Variants in TBCK observed in about 807,000 individuals in gnomAD.
The protein encoded by TBCK is TBC1 domain containing kinase, also known as TBC domain-containing protein kinase-like protein.
A neutral mutation model predicts 113.4 loss-of-function variants in TBCK; 99 were observed. The observed-to-expected ratio is 0.87, with a 90% CI of 0.74 to 1.03. TBCK has a LOEUF of 1.03. Ranked by LOEUF, TBCK falls within the 50% of genes least tolerant of loss-of-function variation. The pLI is 0.00. For missense variants in TBCK, 1,045 were observed against 1,061.3 expected (o/e 0.98, Z 0.21); for synonymous variants, 369 against 370.8 (o/e 1.00, Z 0.05).
At chr4:106,103,001 C>T (rs1741722857) in intron 24 of TBCK, among the ~76,000 whole-genome samples, 1 of 152,020 alleles carries the variant, frequency 6.6e-6, no homozygotes, top group South Asian at 2.1e-4. Flanking sequence ...TTAAGAGTTA[C>T]TGTACAAAGA....
At chr4:106,147,677 G>A (rs936516811) in intron 23 of TBCK, among the ~76,000 whole-genome samples, 13 of 152,002 alleles carry the variant, frequency 8.6e-5, no homozygotes, top group Admixed American at 4.6e-4. Flanking sequence ...CTCATAAGCC[G>A]AGGAGGATGT....
Position 106,117,865 on chromosome 4 carries a change from C to T in TBCK, c.2236-1487G>A, listed in dbSNP as rs187084148. ...TCTACTAAAAATACAAAAAATTAGC[C>T]GGGCGTGGCAGTGGGCGCCTGTAGT... On this transcript the variant is annotated intron_variant, in intron 23 of 25. Coordinates refer to ENST00000394708, the MANE Select transcript of TBCK (RefSeq NM_001163435.3). Among the ~76,000 whole-genome samples, 58 of 151,956 alleles carry T rather than the reference C, an allele frequency of 3.8e-4. No homozygotes were observed. The East Asian group carries it at 8.1e-3, about 21-fold the overall frequency.
chr4:106,244,161 G>C (rs1304311725), intron 11 of TBCK, among the ~76,000 whole-genome samples: 1 of 151,832 alleles, frequency 6.6e-6, no homozygotes, highest in Non-Finnish European at 1.5e-5. Context: ...AGATTTTTTT[G>C]CAACACACTA....
At chr4:106,225,359 C>T (rs1758121240) in intron 19 of TBCK, among the ~76,000 whole-genome samples, 3 of 152,084 alleles carry the variant, frequency 2.0e-5, no homozygotes, top group Admixed American at 1.3e-4. Context: ...CTTAGAGAAA[C>T]AAGCAATCAA....
chr4:106,154,087 T>C (rs1193731145), intron 23 of TBCK, among the ~76,000 whole-genome samples: 1 of 152,114 alleles, frequency 6.6e-6, no homozygotes, highest in Non-Finnish European at 1.5e-5. Context: ...AACTTACCCC[T>C]GCCATTTTGT....
In TBCK at chr4:106,046,519, G is replaced by A. The variant is rs1352253955; in HGVS notation, c.*51C>T. The A allele has an allele frequency of 1.0e-6, 1 of 960,792 alleles. No homozygotes were observed. Among genetic ancestry groups the A allele is most frequent in the Admixed American group, 1.8e-5 (1 of 56,660 alleles). The allele number at this position is 960,792 out of a possible 1,614,324, so 59.5% of individuals were successfully genotyped here. A position where few individuals can be genotyped will look rare whatever the true frequency, so the allele number is the denominator to read the frequency against. ...GAGTGGCGTGGATATGAAGAACTGT[G>A]CTGTTGGTGCTGATGCCACACTAAG... On this transcript the variant is annotated 3_prime_UTR_variant, in exon 26 of 26. Transcript: ENST00000394708.
chr4:106,219,032 A>G (rs1470178165), intron 19 of TBCK, among the ~76,000 whole-genome samples: 1 of 151,768 alleles, frequency 6.6e-6, no homozygotes, highest in African/African-American at 2.4e-5. Context: ...ATGGAATACT[A>G]TGCAGCCATA....
Position 106,244,636 on chromosome 4 carries a change from T to C in TBCK, c.1060A>G (p.Thr354Ala). 6 of 1,603,800 alleles carry C rather than the reference T, an allele frequency of 3.7e-6. No individual in the cohort carries two copies. The highest frequency in any genetic ancestry group is 5.1e-6 in the Non-Finnish European group (6 of 1,176,804). The change falls in exon 11 of 26, where the codon ACA becomes GCA. Residue 354 changes from threonine (T) to alanine (A), a missense_variant. Physicochemically the swap from Thr to Ala is moderately conservative, Grantham distance 58. Coordinates refer to ENST00000394708, the MANE Select transcript of TBCK (RefSeq NM_001163435.3). ...AGTTTCTTTCCTTACTTGGGGAGTG[T>C]GCAGATAGGTGGTTTGGATCGAATG... is the stretch of plus-strand genomic sequence containing the variant. ...EIIRSKPPIC[T>A]LPNFLFEDGE...
At chr4:106,154,234 G>C (rs770802492) in intron 23 of TBCK, among the ~76,000 whole-genome samples, 2 of 151,496 alleles carry the variant, frequency 1.3e-5, no homozygotes, top group Non-Finnish European at 2.9e-5. Flanking sequence ...TGTGTTTTTT[G>C]ATTTGACGTT....
chr4:106,301,664 A>G (rs1369588304), intron 2 of TBCK, among the ~76,000 whole-genome samples: 1 of 152,184 alleles, frequency 6.6e-6, no homozygotes, highest in Non-Finnish European at 1.5e-5. Context: ...GAGCTAACAT[A>G]ACATGTGAAA....
chr4:106,308,833 T>C lies in TBCK; in HGVS notation c.128A>G (p.Gln43Arg), dbSNP rs781374842. The change falls in exon 2 of 26, where the codon CAA (glutamine) becomes CGA (arginine). Residue 43 changes from glutamine to arginine, a missense_variant. Transcript: ENST00000394708. Reference protein sequence around the residue: ...PNSIKILGRFQILKTITHPRL... With the variant: ...PNSIKILGRFRILKTITHPRL... ...GGGATGGGTGATGGTTTTAAGGATT[T>C]GAAAGCGCCCTAAAATTTTGATGGA... The C allele has an allele frequency of 5.1e-5, 82 of 1,614,056 alleles. No homozygotes were observed. The highest frequency in any genetic ancestry group is 5.2e-5 in the Non-Finnish European group (61 of 1,180,020).
intron 1 of TBCK, among the ~76,000 whole-genome samples, chr4:106,315,237 T>A (rs555831357): frequency 1.3e-5 from 2 of 152,264 alleles, no homozygotes; most frequent in South Asian, 4.1e-4. Context: ...GAAGCCCCTA[T>A]TTTAAGTCAG....
At chr4:106,127,505 T>C (rs1055947766) in intron 23 of TBCK, among the ~76,000 whole-genome samples, 10 of 152,100 alleles carry the variant, frequency 6.6e-5, no homozygotes, top group Non-Finnish European at 1.5e-4. Flanking sequence ...TATATAAGCA[T>C]ACAGAAATAT....
intron 23 of TBCK, among the ~76,000 whole-genome samples, chr4:106,121,589 C>G (rs1169406349): frequency 6.6e-6 from 1 of 151,828 alleles, no homozygotes; most frequent in Non-Finnish European, 1.5e-5. Context: ...CAGCACCACA[C>G]CACACCTATT....
intron 22 of TBCK, among the ~76,000 whole-genome samples, chr4:106,190,542 T>C (rs967895434): frequency 2.0e-5 from 3 of 152,326 alleles, no homozygotes; most frequent in Middle Eastern, 3.4e-3. Context: ...AATTACACTA[T>C]ATCTCTGACT....
intron 22 of TBCK, among the ~76,000 whole-genome samples, chr4:106,190,923 G>A (rs1168553874): frequency 2.0e-5 from 3 of 152,088 alleles, no homozygotes; most frequent in Non-Finnish European, 4.4e-5. Flanking sequence ...TGTATTTTTA[G>A]TAGAGATAGA....
rs72677318 is a variant in TBCK, at chr4:106,110,696, G to A, written c.2411+5507C>T. On this transcript the variant is annotated intron_variant, in intron 24 of 25. Transcript: ENST00000394708. ...AATGGGTCCCAATAACATCTTTAAC[G>A]TTATGGGCTTTAGTTAGGGTGGCTC... Among the ~76,000 whole-genome samples the A allele has an allele frequency of 7.3e-3, 1,111 of 152,152 alleles. 12 individuals carry two copies. The highest frequency in any genetic ancestry group is 0.012 in the Non-Finnish European group (799 of 67,982).
At chr4:106,312,286 C>G (rs891702652) in intron 1 of TBCK, among the ~76,000 whole-genome samples, 1 of 152,166 alleles carries the variant, frequency 6.6e-6, no homozygotes, top group East Asian at 1.9e-4. Context: ...AATAATAAAA[C>G]AAGCCAATAC....
chr4:106,206,129 T>G (rs2149862233), intron 20 of TBCK, among the ~76,000 whole-genome samples: 1 of 152,282 alleles, frequency 6.6e-6, no homozygotes, highest in Middle Eastern at 3.4e-3. Context: ...TTTTTCAGAA[T>G]ATAAAGGGGT....
Sources: allele counts gnomAD v4.1 joint callset (sites outside exome capture counted in the v4.1 genomes callset), GRCh38; gene constraint gnomAD v4.1.1; transcripts MANE v1.5; gene names NCBI Gene and HGNC (gene_info 2026-07-23, HGNC 2026-07-21).